NLRP5: variants seen among roughly 807,000 people sequenced by gnomAD.
NLRP5 encodes NACHT, LRR and PYD domains-containing protein 5.
A neutral mutation model predicts 113.1 loss-of-function variants in NLRP5; 93 were observed. The ratio of observed to expected loss-of-function variants is 0.82; its 90% CI spans 0.70 to 0.98. The LOEUF is 0.98. Among genes scored for constraint, NLRP5 ranks in the 50% least tolerant of loss-of-function variants. The pLI, the probability that NLRP5 is intolerant of heterozygous loss-of-function variation, is 0.00. For missense variants in NLRP5, 1,808 were observed against 1,514.3 expected (o/e 1.19, Z -3.22); for synonymous variants, 751 against 600.7 (o/e 1.25, Z -3.66).
chr19:56,053,758 T>G lies in NLRP5; in HGVS notation c.3249T>G (p.Ala1083=). ...ATGCCCTGGGTGACGGTGGGGTTGC[T>G]GCGCTGTGCGAGGGACTGAAGCAAA... Residue 1083 remains alanine (A), a synonymous_variant, in exon 13 of 15, where the codon GCT becomes GCG. Transcript: ENST00000390649. The G allele has an allele frequency of 6.2e-7, 1 of 1,613,930 alleles. No individual in the cohort carries two copies. The highest frequency in any genetic ancestry group is 1.3e-5 in the African/African-American group (1 of 75,042).
chr19:56,039,450 A>G (rs1050619032), intron 10 of NLRP5, among the ~76,000 whole-genome samples: 11 of 152,162 alleles, frequency 7.2e-5, no homozygotes, highest in African/African-American at 1.2e-4. Context: ...GCAGTGAGAC[A>G]TCCAGGCTCA....
At chr19:56,013,550 A>T (rs1026734121) in intron 3 of NLRP5, among the ~76,000 whole-genome samples, 1 of 111,758 alleles carries the variant, frequency 8.9e-6, no homozygotes, top group South Asian at 2.7e-4. Context: ...TATTCCTTTT[A>T]TATATATACC....
chr19:56,037,995 G>T (rs1189171455), intron 9 of NLRP5, 30 bp from the exon 10 acceptor site: 1 of 1,612,318 alleles, frequency 6.2e-7, no homozygotes, highest in East Asian at 2.2e-5. Context: ...GACAAGAGCT[G>T]GGATTGCTTC....
intron 14 of NLRP5, among the ~76,000 whole-genome samples, chr19:56,060,638 T>C (rs987763800): frequency 2.0e-5 from 3 of 152,176 alleles, no homozygotes; most frequent in Admixed American, 6.5e-5. Flanking sequence ...TGAAAGGTCA[T>C]GCCTGCATCT....
chr19:56,034,922 C>A (rs573251729), intron 9 of NLRP5, among the ~76,000 whole-genome samples: 2 of 152,246 alleles, frequency 1.3e-5, no homozygotes, highest in East Asian at 3.9e-4. Flanking sequence ...TTTAGAGATA[C>A]AACTATTTAA....
chr19:55,999,216 T>TC (rs1441687604), upstream of NLRP5, among the ~76,000 whole-genome samples: 1 of 145,430 alleles, frequency 6.9e-6, no homozygotes, highest in South Asian at 2.2e-4. Flanking sequence ...CTTTTTCTTT[T>TC]TTTTTTTTTT....
intron 6 of NLRP5, among the ~76,000 whole-genome samples, 157 bp downstream of exon 6, chr19:56,020,588 A>G (rs529791646): frequency 6.6e-6 from 1 of 151,890 alleles, no homozygotes; most frequent in South Asian, 2.1e-4. Flanking sequence ...GCTCTTGATC[A>G]GTACCATGGA....
rs552851952 is a variant in NLRP5 at position 56,053,487 on chromosome 19, A to G, written c.3129-151A>G. 1.0e-5 allele frequency: 6 copies of G among 572,286 alleles called. No individual in the cohort carries two copies. In the South Asian group the frequency reaches 1.8e-4, roughly 17 times the overall value. The allele number at this position is 572,286 out of a possible 1,614,324, so 35.5% of individuals were successfully genotyped here. ...TCATTCCTCTCTCAAGCCAACAGAT[A>G]CCACGTGGTCTAAGCTGTTCACAGG... On this transcript the variant is annotated intron_variant, in intron 12 of 14. Transcript: ENST00000390649.
At chr19:56,046,111 A>T (rs1035701334) in intron 11 of NLRP5, among the ~76,000 whole-genome samples, 2 of 152,198 alleles carry the variant, frequency 1.3e-5, no homozygotes, top group African/African-American at 4.8e-5. Context: ...AGCTTTTATT[A>T]CATGAAGGTA....
At position 56,028,199 on chromosome 19, in the gene NLRP5, C is replaced by G. The variant is rs762359895; in HGVS notation, c.1966C>G (p.Pro656Ala). Residue 656 changes from proline (P) to alanine (A), a missense_variant, in exon 7 of 15, where the codon CCC becomes GCC. By Grantham distance (27) the Pro-to-Ala change is conservative. Coordinates refer to ENST00000390649, the MANE Select transcript of NLRP5 (RefSeq NM_153447.4). ...GCCACTGGAGGTCCTGCTGGGCTGTCCCGTTCCCCTGGGGGTGAAGCAGAA... is the reference window on the plus strand; with the variant it reads ...GCCACTGGAGGTCCTGCTGGGCTGTGCCGTTCCCCTGGGGGTGAAGCAGAA... 1.2e-6 allele frequency: 2 copies of G among 1,613,954 alleles called. No homozygotes were observed. Among genetic ancestry groups the G allele is most frequent in the Admixed American group, 1.7e-5 (1 of 60,024 alleles).
the NLRP5 span, among the ~76,000 whole-genome samples, chr19:55,989,402 G>A: frequency 6.6e-6 from 1 of 152,006 alleles, no homozygotes; most frequent in African/African-American, 2.4e-5. Flanking sequence ...ACAGGTGCCC[G>A]CCACCACGCC....
Position 56,028,788 on chromosome 19 carries a change from CAG to C in NLRP5, c.2276+282_2276+283del, listed in dbSNP as rs1245189967. On this transcript the variant is annotated intron_variant, in intron 7 of 14. Coordinates refer to ENST00000390649, the MANE Select transcript of NLRP5 (RefSeq NM_153447.4). ...TGTGGTTTATTTTATTATTTTAAGT[CAG>C]AGTCTCACTCTGTTGCCAGGCTGGA... 2.6e-5 allele frequency among the ~76,000 whole-genome samples: 4 copies of C among 152,176 alleles called. No homozygotes were observed. The East Asian group carries it at 7.7e-4, about 29-fold the overall frequency.
At chr19:56,054,513 A>G (rs1250480937) in intron 13 of NLRP5, among the ~76,000 whole-genome samples, 3 of 150,368 alleles carry the variant, frequency 2.0e-5, no homozygotes, top group Non-Finnish European at 4.4e-5. Flanking sequence ...AGCCGAGACC[A>G]CACCACTGCA....
Position 56,027,480 on chromosome 19 carries a change from A to G in NLRP5, c.1247A>G (p.Lys416Arg), listed in dbSNP as rs182139875. The change falls in exon 7 of 15, where the codon AAG becomes AGG. Residue 416 changes from lysine (K) to arginine (R), a missense_variant. Transcript: ENST00000390649. ...ACCGTCAGAGACGTGGGCACAGAGAAGCTCAAGTCAGAGGTCGTGTCTCCC... is the reference window on the plus strand; with the variant it reads ...ACCGTCAGAGACGTGGGCACAGAGAGGCTCAAGTCAGAGGTCGTGTCTCCC... The G allele has an allele frequency of 7.7e-5, 125 of 1,613,924 alleles. 1 individual carries two copies. The African/African-American group carries it at 1.4e-3, about 18-fold the overall frequency.
chr19:56,043,041 A>G (rs952272974), intron 11 of NLRP5, among the ~76,000 whole-genome samples: 3 of 151,868 alleles, frequency 2.0e-5, no homozygotes, highest in African/African-American at 7.3e-5. Context: ...CGATTTTGCA[A>G]TTGTCAGTTG....
intron 5 of NLRP5, among the ~76,000 whole-genome samples, 176 bp downstream of exon 5, chr19:56,019,574 C>T (rs1370856190): frequency 3.9e-5 from 6 of 152,006 alleles, no homozygotes; most frequent in East Asian, 1.9e-4. Context: ...GATAGAGCTA[C>T]GCAAGTTCAC....
intron 2 of NLRP5, 145 bp downstream of exon 2, chr19:56,004,240 T>G (rs1981769930): frequency 1.1e-6 from 1 of 883,086 alleles, no homozygotes; most frequent in Admixed American, 2.8e-5. Flanking sequence ...TTGGTCATCG[T>G]CATTGGTTGG....
rs549159062 is a variant in NLRP5, at chr19:56,034,291, C to T, written c.2615+582C>T. On this transcript the variant is annotated intron_variant, in intron 9 of 14. Transcript: ENST00000390649. The stretch of plus-strand genomic sequence containing the variant: ...ATCCCAGCTACTCGGGAGGCTGAGT[C>T]AGGAGAATCTCTTGAACCCGGCAGG... 5.5e-4 allele frequency among the ~76,000 whole-genome samples: 84 copies of T among 152,306 alleles called. 1 individual carries two copies. The highest frequency in any genetic ancestry group is 1.6e-4 in the Non-Finnish European group (11 of 68,028).
chr19:56,008,826 C>T lies in NLRP5; in HGVS notation c.481C>T (p.Gln161Ter). 6.2e-7 allele frequency: 1 copy of T among 1,612,380 alleles called. No individual in the cohort carries two copies. The highest frequency in any genetic ancestry group is 1.6e-4 in the Middle Eastern group (1 of 6,062). ...AGATCCTGAAGCAACGATGACTGAC[C>T]AAGGACCAAGCAAGGAAAAAGTGCC... Residue 161 changes from glutamine (Q) to a stop codon, truncating the protein, a stop_gained, in exon 3 of 15, where the codon CAA (glutamine) becomes TAA (stop). Transcript: ENST00000390649. LOFTEE classifies it high-confidence loss of function.
Sources: gnomAD v4.1 joint callset for allele counts (sites outside exome capture counted in the v4.1 genomes callset) on GRCh38, gnomAD v4.1.1 for gene constraint, MANE v1.5 for transcripts, NCBI Gene and HGNC (gene_info 2026-07-23, HGNC 2026-07-21) for gene names.